The following HSD17B12 variants were observed in gnomAD, a reference collection of about 807,000 sequenced individuals.
HSD17B12 encodes hydroxysteroid 17-beta dehydrogenase 12.
Under a neutral mutation model 39.3 loss-of-function variants are expected in HSD17B12, and 32 were observed. That is an observed-to-expected ratio of 0.81 (90% CI 0.61 to 1.09). The LOEUF (loss-of-function observed/expected upper bound fraction) is 1.09, where lower values mean the gene tolerates loss of function less well. Among genes scored for constraint, HSD17B12 ranks in the 50% least tolerant of loss-of-function variants. HSD17B12 has a pLI of 0.00. For missense variants in HSD17B12, 342 were observed against 382.9 expected, an observed-to-expected ratio of 0.89 and a Z score of 0.89; for synonymous variants, 150 against 146.7, an observed-to-expected ratio of 1.02 and a Z score of -0.16.
At chr11:43,790,095 A>G (rs1950853544) in intron 3 of HSD17B12, among the ~76,000 whole-genome samples, 1 of 152,224 alleles carries the variant, frequency 6.6e-6, no homozygotes, top group South Asian at 2.1e-4. Flanking sequence ...CTTGCCATCA[A>G]TTATAAAACA....
intron 4 of HSD17B12, among the ~76,000 whole-genome samples, chr11:43,808,468 T>C (rs999481894): frequency 6.6e-6 from 1 of 152,186 alleles, no homozygotes; most frequent in Non-Finnish European, 1.5e-5. Flanking sequence ...ATGGTATTAA[T>C]TAAAGCAGAA....
At chr11:43,606,597 A>G in the HSD17B12 span, among the ~76,000 whole-genome samples, 1 of 152,344 alleles carries the variant, frequency 6.6e-6, no homozygotes, top group African/African-American at 2.4e-5. Context: ...GAGGACTTCA[A>G]ATCTGATGAC....
chr11:43,840,492 T>C (rs888372242), intron 9 of HSD17B12, among the ~76,000 whole-genome samples: 2 of 152,090 alleles, frequency 1.3e-5, no homozygotes, highest in South Asian at 2.1e-4. Context: ...CCAGAACTTT[T>C]TTCATCTTCC....
chr11:43,678,100 G>T (rs898474116), upstream of HSD17B12, among the ~76,000 whole-genome samples: 4 of 152,226 alleles, frequency 2.6e-5, no homozygotes, highest in Admixed American at 6.5e-5. Context: ...ACCTGTTGTT[G>T]CCTGACTTTT....
chr11:43,672,272 A>G, the HSD17B12 span, among the ~76,000 whole-genome samples: 2 of 151,858 alleles, frequency 1.3e-5, no homozygotes, highest in African/African-American at 4.8e-5. Context: ...GATGGTGTCA[A>G]TCTCCTGACC....
At chr11:43,807,200 T>C (rs553218019) in intron 4 of HSD17B12, among the ~76,000 whole-genome samples, 15 of 152,196 alleles carry the variant, frequency 9.9e-5, no homozygotes, top group Non-Finnish European at 2.2e-4. Context: ...TGTTTCTGCT[T>C]TTCTGGAAGA....
intron 1 of HSD17B12, among the ~76,000 whole-genome samples, chr11:43,693,418 A>G (rs1949881021): frequency 6.6e-6 from 1 of 152,214 alleles, no homozygotes; most frequent in South Asian, 2.1e-4. Flanking sequence ...CTAAACTCTT[A>G]AAGAAATGAT....
chr11:43,560,932 A>C, the HSD17B12 span, among the ~76,000 whole-genome samples: 1 of 152,126 alleles, frequency 6.6e-6, no homozygotes, highest in African/African-American at 2.4e-5. Context: ...GCAAAAAAAA[A>C]CTTGAACGGC....
At chr11:43,579,223 G>C in the HSD17B12 span, 1 of 152,244 alleles carries the variant, frequency 6.6e-6, no homozygotes, top group African/African-American at 2.4e-5. Flanking sequence ...CCTCCCGGCC[G>C]GCGCTCGCAG....
chr11:43,735,342 C>G (rs942589734), intron 1 of HSD17B12, among the ~76,000 whole-genome samples: 12 of 152,124 alleles, frequency 7.9e-5, no homozygotes, highest in Non-Finnish European at 1.3e-4. Context: ...TGAGGAACTC[C>G]CAACCTGTTT....
chr11:43,677,597 C>G (rs188700209), upstream of HSD17B12, among the ~76,000 whole-genome samples: 9 of 152,232 alleles, frequency 5.9e-5, no homozygotes, highest in African/African-American at 2.2e-4. Flanking sequence ...CCCACCCCCC[C>G]ACCACCCCAT....
intron 3 of HSD17B12, among the ~76,000 whole-genome samples, chr11:43,793,100 G>A (rs933859594): frequency 6.6e-6 from 1 of 152,130 alleles, no homozygotes; most frequent in Non-Finnish European, 1.5e-5. Flanking sequence ...TATATTAAGT[G>A]CCTCGTAGGG....
At chr11:43,629,522 G>A in the HSD17B12 span, among the ~76,000 whole-genome samples, 1 of 152,190 alleles carries the variant, frequency 6.6e-6, no homozygotes, top group African/African-American at 2.4e-5. Flanking sequence ...GTCGTAGTCT[G>A]GAATTGTCCA....
chr11:43,684,387 C>G (rs1049950331), intron 1 of HSD17B12, among the ~76,000 whole-genome samples: 1 of 152,202 alleles, frequency 6.6e-6, no homozygotes, highest in African/African-American at 2.4e-5. Flanking sequence ...AAAGAACAGT[C>G]ACTGCTATAG....
At chr11:43,627,884 T>C in the HSD17B12 span, among the ~76,000 whole-genome samples, 1 of 151,964 alleles carries the variant, frequency 6.6e-6, no homozygotes, top group African/African-American at 2.4e-5. Flanking sequence ...TGCCATACAA[T>C]AAGGAATATA....
chr11:43,731,574 T>C (rs1345504491), intron 1 of HSD17B12, among the ~76,000 whole-genome samples: 1 of 152,190 alleles, frequency 6.6e-6, no homozygotes, highest in African/African-American at 2.4e-5. Flanking sequence ...TCATGTTGAC[T>C]GAAGAACAAA....
chr11:43,747,112 C>T (rs1049307040), intron 1 of HSD17B12, among the ~76,000 whole-genome samples: 6 of 152,172 alleles, frequency 3.9e-5, no homozygotes, highest in African/African-American at 1.4e-4. Flanking sequence ...CCAAGTCTTG[C>T]GTGTTTTGCA....
the HSD17B12 span, among the ~76,000 whole-genome samples, chr11:43,561,387 G>A: frequency 2.1e-4 from 32 of 152,138 alleles, no homozygotes; most frequent in Admixed American, 2.0e-3. Context: ...TGTTTAAAGG[G>A]TCTAGAGGAA....
In HSD17B12 at chr11:43,830,874, G is replaced by A. The variant is rs1331258966; in HGVS notation, c.502-102G>A. 3 of 904,146 alleles carry A rather than the reference G, an allele frequency of 3.3e-6. No homozygotes were observed. In the African/African-American group the frequency reaches 5.0e-5, roughly 15 times the overall value. The allele number at this position is 904,146 out of a possible 1,614,324, so 56.0% of individuals were successfully genotyped here. ...CTGCTGTCTGTAGAAGTGGTGAATG[G>A]TTTCATGATTCCCTTCTTTTTAGTG... On this transcript the variant is annotated intron_variant, in intron 6 of 10. Transcript: ENST00000278353.
Sources: allele counts gnomAD v4.1 joint callset (sites outside exome capture counted in the v4.1 genomes callset), GRCh38; gene constraint gnomAD v4.1.1; transcripts MANE v1.5; gene names NCBI Gene and HGNC (gene_info 2026-07-23, HGNC 2026-07-21).